Variants in DLC1 observed in about 807,000 individuals in gnomAD.
The protein encoded by DLC1 is rho GTPase-activating protein 7.
DLC1 carries 54 observed loss-of-function variants against 140.3 expected under a neutral mutation model. The observed-to-expected ratio is 0.38, with a 90% confidence interval of 0.31 to 0.48. The LOEUF is 0.48. Among genes scored for constraint, DLC1 ranks in the 20% least tolerant of loss-of-function variants. The probability of loss-of-function intolerance (pLI) is 0.96; values close to 1 mark genes in which losing one functional copy is unlikely to be tolerated. For synonymous variants in DLC1, 986 were observed against 728.1 expected (o/e 1.35, Z -5.70); for missense variants, 2,536 against 1,907.0 (o/e 1.33, Z -6.14).
intron 2 of DLC1, among the ~76,000 whole-genome samples, chr8:13,449,541 C>G (rs1585126849): frequency 6.6e-6 from 1 of 151,972 alleles, no homozygotes; most frequent in East Asian, 1.9e-4. Context: ...ATCCTATTTC[C>G]CCATCATTCT....
At chr8:13,128,161 T>G (rs1821747323) in intron 5 of DLC1, among the ~76,000 whole-genome samples, 1 of 152,214 alleles carries the variant, frequency 6.6e-6, no homozygotes, top group Non-Finnish European at 1.5e-5. Flanking sequence ...GTTCACTTTT[T>G]GGTGCTCAAA....
At chr8:13,095,481 A>T in intron 10 of DLC1, 2 of 542,506 alleles carry the variant, frequency 3.7e-6, no homozygotes, top group Non-Finnish European at 6.6e-6. Flanking sequence ...GCAGATAAAG[A>T]ACATTCCTAT....
At chr8:13,164,416 T>A (rs981888349) in intron 5 of DLC1, among the ~76,000 whole-genome samples, 4 of 152,144 alleles carry the variant, frequency 2.6e-5, no homozygotes, top group African/African-American at 9.7e-5. Flanking sequence ...CCCAAGGTAG[T>A]GTTCATGGTC....
chr8:13,552,039 GTA>G (rs1249544637), intron 1 of DLC1, among the ~76,000 whole-genome samples: 16 of 129,758 alleles, frequency 1.2e-4, no homozygotes, highest in South Asian at 4.9e-4. Flanking sequence ...ATGTGTGTGT[GTA>G]TATATATATA....
chr8:13,411,282 C>G (rs1837768073), intron 2 of DLC1, among the ~76,000 whole-genome samples: 1 of 152,080 alleles, frequency 6.6e-6, no homozygotes, highest in Admixed American at 6.6e-5. Context: ...AATTTAAATG[C>G]ATATTACTAA....
chr8:13,276,691 T>A, intron 5 of DLC1: 1 of 865,396 alleles, frequency 1.2e-6, no homozygotes, highest in Non-Finnish European at 1.4e-6. Flanking sequence ...ACCCAATGAC[T>A]CACCTGGGTC....
intron 15 of DLC1, among the ~76,000 whole-genome samples, chr8:13,089,418 A>G (rs940016686): frequency 6.6e-6 from 1 of 151,974 alleles, no homozygotes; most frequent in Non-Finnish European, 1.5e-5. Context: ...CAAGGTCAGG[A>G]GTTCGAGACC....
At chr8:13,345,082 A>C (rs1219840680) in intron 4 of DLC1, among the ~76,000 whole-genome samples, 1 of 152,168 alleles carries the variant, frequency 6.6e-6, no homozygotes. Flanking sequence ...GCCCCGCCAC[A>C]CACATACTTA....
intron 5 of DLC1, among the ~76,000 whole-genome samples, chr8:13,227,849 C>G (rs942735810): frequency 6.6e-6 from 1 of 152,114 alleles, no homozygotes; most frequent in African/African-American, 2.4e-5. Context: ...AAAATCAATT[C>G]CCATAACTGG....
rs34506663 is a variant in DLC1 at position 13,090,809 on chromosome 8, C to CTTT, written c.3856-342_3856-340dup. ...TTTGTTGCTTTTTCTTTCTTTCTTTCTTTTTTTTTTTTTTGAGAGAGAGTT... is the reference window on the plus strand; with the variant it reads ...TTTGTTGCTTTTTCTTTCTTTCTTTCTTTTTTTTTTTTTTTTTGAGAGAGAGTT... On this transcript the variant is annotated intron_variant, in intron 14 of 17. Coordinates refer to ENST00000276297, the MANE Select transcript of DLC1 (RefSeq NM_182643.3). Among the ~76,000 whole-genome samples the CTTT allele has an allele frequency of 1.2e-3, 172 of 140,658 alleles. 1 individual carries two copies. The highest frequency in any genetic ancestry group is 4.3e-3 in the African/African-American group (164 of 37,872). The allele number at this position is 140,658 out of a possible 152,430, so 92.3% of individuals were successfully genotyped here.
At chr8:13,522,484 G>A (rs1184934414) in intron 1 of DLC1, among the ~76,000 whole-genome samples, 1 of 151,966 alleles carries the variant, frequency 6.6e-6, no homozygotes, top group African/African-American at 2.4e-5. Flanking sequence ...AATTAGCTGG[G>A]CATGGTGGTG....
chr8:13,147,041 T>C (rs1348205703), intron 5 of DLC1, among the ~76,000 whole-genome samples: 3 of 152,220 alleles, frequency 2.0e-5, no homozygotes, highest in Admixed American at 2.0e-4. Context: ...CAGCTCACAA[T>C]GTATATATAT....
At chr8:13,227,870 C>T (rs1334692981) in intron 5 of DLC1, among the ~76,000 whole-genome samples, 2 of 152,102 alleles carry the variant, frequency 1.3e-5, no homozygotes, top group Non-Finnish European at 2.9e-5. Flanking sequence ...CTTGGTGGCT[C>T]TTATATTTCA....
chr8:13,491,654 A>T (rs4348493), intron 2 of DLC1, among the ~76,000 whole-genome samples: 130,819 of 152,112 alleles, frequency 0.86, 56,976 homozygotes, highest in Non-Finnish European at 0.94. Flanking sequence ...TTTGTGGCAC[A>T]GTGTAATAAT....
intron 5 of DLC1, among the ~76,000 whole-genome samples, chr8:13,224,966 G>C (rs1324978648): frequency 6.6e-6 from 1 of 152,132 alleles, no homozygotes; most frequent in Non-Finnish European, 1.5e-5. Flanking sequence ...TTCACTTAGG[G>C]GCTCAGTCAT....
chr8:13,549,489 C>T (rs1056691637), intron 1 of DLC1, among the ~76,000 whole-genome samples: 1 of 152,016 alleles, frequency 6.6e-6, no homozygotes, highest in East Asian at 1.9e-4. Context: ...TCTGTGCTTC[C>T]ACATTTTCAT....
intron 2 of DLC1, among the ~76,000 whole-genome samples, chr8:13,447,664 G>T (rs1366069889): frequency 1.3e-5 from 2 of 152,054 alleles, no homozygotes; most frequent in Non-Finnish European, 2.9e-5. Context: ...TGTCAGCTTG[G>T]GTTTACAAAG....
intron 5 of DLC1, among the ~76,000 whole-genome samples, chr8:13,215,817 G>T (rs183685764): frequency 1.3e-5 from 2 of 152,066 alleles, no homozygotes; most frequent in East Asian, 3.9e-4. Context: ...GTAATCTTTC[G>T]CATTAGATAG....
chr8:13,604,420 A>T (rs1228492914), intron 1 of DLC1: 1 of 152,240 alleles, frequency 6.6e-6, no homozygotes, highest in African/African-American at 2.4e-5. Flanking sequence ...TTTCATGAAT[A>T]AAATATGTGA....
Sources: allele counts gnomAD v4.1 joint callset (sites outside exome capture counted in the v4.1 genomes callset), GRCh38; gene constraint gnomAD v4.1.1; transcripts MANE v1.5; gene names NCBI Gene and HGNC (gene_info 2026-07-23, HGNC 2026-07-21).